Variants in OSBPL8 observed in about 807,000 individuals in gnomAD.
OSBPL8 encodes oxysterol-binding protein-related protein 8.
OSBPL8 carries 59 observed loss-of-function variants against 125.5 expected under a neutral mutation model. The observed-to-expected ratio is 0.47, with a 90% CI of 0.38 to 0.58. OSBPL8 has a LOEUF of 0.58. Among genes scored for constraint, OSBPL8 ranks in the 20% least tolerant of loss-of-function variants. The probability of loss-of-function intolerance (pLI) is 0.00; values close to 1 mark genes in which losing one functional copy is unlikely to be tolerated. For synonymous variants in OSBPL8, 330 were observed against 338.9 expected (o/e 0.97, Z 0.29); for missense variants, 758 against 1,047.8 (o/e 0.72, Z 3.82).
intron 17 of OSBPL8, among the ~76,000 whole-genome samples, chr12:76,375,016 C>G (rs1407785619): frequency 6.6e-6 from 1 of 151,972 alleles, no homozygotes; most frequent in Non-Finnish European, 1.5e-5. Flanking sequence ...TATATAATAC[C>G]CACAGTTTTA....
chr12:76,440,107 G>A (rs575501627), intron 4 of OSBPL8, among the ~76,000 whole-genome samples: 1 of 152,096 alleles, frequency 6.6e-6, no homozygotes, highest in East Asian at 1.9e-4. Context: ...GAATTGTGGG[G>A]CCTCCTTAAT....
At chr12:76,389,141 G>A (rs866730291) in intron 12 of OSBPL8, among the ~76,000 whole-genome samples, 20 of 152,088 alleles carry the variant, frequency 1.3e-4, no homozygotes, top group African/African-American at 4.6e-4. Flanking sequence ...ATTACACCCA[G>A]GATCAGCTGG....
intron 21 of OSBPL8, among the ~76,000 whole-genome samples, chr12:76,360,507 G>A (rs1451138393): frequency 6.6e-6 from 1 of 152,164 alleles, no homozygotes; most frequent in Non-Finnish European, 1.5e-5. Context: ...ACCATTCTGG[G>A]GTCTAGAGGA....
chr12:76,461,144 TC>T (rs1235255249), intron 2 of OSBPL8, among the ~76,000 whole-genome samples: 1 of 152,186 alleles, frequency 6.6e-6, no homozygotes, highest in African/African-American at 2.4e-5. Flanking sequence ...AGCCTCTGCC[TC>T]CCAAAATGCT....
chr12:76,390,223 A>C (rs917969555), intron 11 of OSBPL8, 197 bp downstream of exon 11: 1 of 482,400 alleles, frequency 2.1e-6, no homozygotes, highest in Non-Finnish European at 3.6e-6. Flanking sequence ...ATTTAATAGA[A>C]TATATTGGTA....
chr12:76,390,774 A>T, intron 10 of OSBPL8, 117 bp from the exon 11 acceptor site: 2 of 662,746 alleles, frequency 3.0e-6, no homozygotes, highest in Non-Finnish European at 5.2e-6. Flanking sequence ...CAGTGTTCTA[A>T]GTGTTTTACA....
intron 1 of OSBPL8, among the ~76,000 whole-genome samples, chr12:76,517,364 T>A (rs1288972243): frequency 1.3e-5 from 2 of 152,152 alleles, no homozygotes; most frequent in East Asian, 3.8e-4. Context: ...TGTAAAGAAA[T>A]TTTTAATTAT....
chr12:76,417,154 C>CAT (rs1458406558), intron 4 of OSBPL8, among the ~76,000 whole-genome samples: 1 of 152,118 alleles, frequency 6.6e-6, no homozygotes. Context: ...TAAATTTGCC[C>CAT]ATATAGCCCT....
At chr12:76,556,960 G>A (rs1425980348) in intron 1 of OSBPL8, among the ~76,000 whole-genome samples, 1 of 152,088 alleles carries the variant, frequency 6.6e-6, no homozygotes, top group African/African-American at 2.4e-5. Context: ...CACCGGGCCT[G>A]GCCTCTCAAA....
At chr12:76,519,073 G>C (rs141694003) in intron 1 of OSBPL8, among the ~76,000 whole-genome samples, 1 of 152,104 alleles carries the variant, frequency 6.6e-6, no homozygotes, top group Non-Finnish European at 1.5e-5. Context: ...TAAATTTTCC[G>C]AATTTTTATG....
chr12:76,433,818 C>CA (rs997349093), intron 4 of OSBPL8, among the ~76,000 whole-genome samples: 3 of 150,922 alleles, frequency 2.0e-5, no homozygotes, highest in African/African-American at 7.3e-5. Flanking sequence ...ACTAAAAATA[C>CA]AAAAAAAATT....
rs912100695 is a variant in OSBPL8, at chr12:76,354,749, C to T, written c.*1140G>A. 1 of 151,842 alleles carries T rather than the reference C, an allele frequency of 6.6e-6. No homozygotes were observed. Among genetic ancestry groups the T allele is most frequent in the Non-Finnish European group, 1.5e-5 (1 of 67,834 alleles). 9.4% of individuals were successfully genotyped at this position (151,842 alleles called of 1,614,324 possible). A position where few individuals can be genotyped will look rare whatever the true frequency, so the allele number is the denominator to read the frequency against. On this transcript the variant is annotated 3_prime_UTR_variant, in exon 24 of 24. Coordinates refer to ENST00000261183, the MANE Select transcript of OSBPL8 (RefSeq NM_020841.5). The stretch of plus-strand genomic sequence containing the variant: ...ATCTTAAAGAATTGTGGTTTTGCCA[C>T]AGAAAGAAGTTACTAAGAAGAGAGG...
chr12:76,451,007 A>T lies in OSBPL8; in HGVS notation c.80-19T>A. On this transcript the variant is annotated intron_variant, in intron 3 of 23. Transcript: ENST00000261183. ...ACAACAGCTCAAGGAAAGAAGGGAA[A>T]AATAATTAGTACTGAAGTCACAGAT... 2 of 1,609,796 alleles carry T rather than the reference A, an allele frequency of 1.2e-6. No individual in the cohort carries two copies. Among genetic ancestry groups the T allele is most frequent in the Non-Finnish European group, 8.5e-7 (1 of 1,178,144 alleles).
chr12:76,551,610 G>A (rs547237167), intron 1 of OSBPL8, among the ~76,000 whole-genome samples: 17 of 152,304 alleles, frequency 1.1e-4, no homozygotes. Context: ...GGAGTATTAT[G>A]ATTAGCCTGA....
intron 6 of OSBPL8, among the ~76,000 whole-genome samples, chr12:76,401,375 T>C (rs1433811425): frequency 6.6e-6 from 1 of 152,212 alleles, no homozygotes; most frequent in African/African-American, 2.4e-5. Flanking sequence ...GGATTCCAAC[T>C]GCAAATTAAA....
chr12:76,510,902 A>ATG (rs1372387135), intron 1 of OSBPL8, among the ~76,000 whole-genome samples: 4 of 150,234 alleles, frequency 2.7e-5, no homozygotes, highest in Non-Finnish European at 5.9e-5. Context: ...AAAAAAATAT[A>ATG]TTTACCTCTT....
intron 1 of OSBPL8, among the ~76,000 whole-genome samples, chr12:76,502,732 C>A (rs189381903): frequency 6.6e-6 from 1 of 152,104 alleles, no homozygotes; most frequent in Non-Finnish European, 1.5e-5. Context: ...CCTACCAGGT[C>A]AAAAGCCATG....
chr12:76,445,653 T>C (rs1001663560), intron 4 of OSBPL8, among the ~76,000 whole-genome samples: 3 of 152,170 alleles, frequency 2.0e-5, no homozygotes, highest in Admixed American at 2.0e-4. Context: ...AAATGTAAAC[T>C]GAAACCACAA....
chr12:76,390,982 G>A (rs1207314865), intron 10 of OSBPL8, among the ~76,000 whole-genome samples: 1 of 152,066 alleles, frequency 6.6e-6, no homozygotes, highest in African/African-American at 2.4e-5. Flanking sequence ...CTTCTTGTTA[G>A]ATATTTTTCT....
Sources: allele counts gnomAD v4.1 joint callset (sites outside exome capture counted in the v4.1 genomes callset), GRCh38; gene constraint gnomAD v4.1.1; transcripts MANE v1.5; gene names NCBI Gene and HGNC (gene_info 2026-07-23, HGNC 2026-07-21).